The following AKNA variants were observed in gnomAD, a reference collection of about 807,000 sequenced individuals.
AKNA encodes the protein AT-hook transcription factor.
Under a neutral mutation model 138.8 loss-of-function variants are expected in AKNA, and 67 were observed. The observed-to-expected ratio is 0.48, with a 90% confidence interval of 0.40 to 0.59. AKNA has a LOEUF of 0.59. AKNA is among the 20% of genes least tolerant of loss of function. The pLI is 0.00. For synonymous variants in AKNA, 737 were observed against 754.4 expected, an observed-to-expected ratio of 0.98 and a Z score of 0.38; for missense variants, 1,813 against 1,880.4, an observed-to-expected ratio of 0.96 and a Z score of 0.66.
rs201869973 is a variant in AKNA at position 114,381,252 on chromosome 9, C to T, written c.82G>A (p.Glu28Lys). ...CTTCTATCCACATCCCTCTTGTCCT[C>T]GGCCCAGGCCCAGCGCCGCCGCTGG... ...GPQRRRWAWA[E>K]DKRDVDRSSS... Residue 28 changes from glutamate to lysine, a missense_variant, in exon 2 of 22, where the codon GAG becomes AAG. By Grantham distance (56) the Glu-to-Lys change is moderately conservative. Coordinates refer to ENST00000374088, the MANE Select transcript of AKNA (RefSeq NM_001317950.2). The T allele has an allele frequency of 1.9e-5, 31 of 1,613,960 alleles. No homozygotes were observed. Among genetic ancestry groups the T allele is most frequent in the East Asian group, 4.5e-5 (2 of 44,876 alleles).
Position 114,361,843 on chromosome 9 carries a change from G to T in AKNA, c.1985C>A (p.Thr662Asn). Reference sequence around the variant, plus strand: ...CCCGGGCGGCTCAGGCTCTTGCTGGGTCTGGTCTATGTGTTCCTTCAGCTC... The same window carrying T: ...CCCGGGCGGCTCAGGCTCTTGCTGGTTCTGGTCTATGTGTTCCTTCAGCTC... ...LEELKEHIDQ[T>N]QQEPEPPGSD... Residue 662 changes from threonine to asparagine, a missense_variant, in exon 9 of 22, where the codon ACC (threonine) becomes AAC (asparagine). Coordinates refer to ENST00000374088, the MANE Select transcript of AKNA (RefSeq NM_001317950.2). 6.2e-7 allele frequency: 1 copy of T among 1,612,128 alleles called. No individual in the cohort carries two copies.
At position 114,336,005 on chromosome 9, in the gene AKNA, G is replaced by C. The variant is rs1588929173; in HGVS notation, c.*1049C>G. 6.6e-6 allele frequency: 1 copy of C among 152,244 alleles called. No homozygotes were observed. The highest frequency in any genetic ancestry group is 2.4e-5 in the African/African-American group (1 of 41,452). The allele number at this position is 152,244 out of a possible 1,614,324, so 9.4% of individuals were successfully genotyped here. A position where few individuals can be genotyped will look rare whatever the true frequency, so the allele number is the denominator to read the frequency against. On this transcript the variant is annotated 3_prime_UTR_variant, in exon 22 of 22. Coordinates refer to ENST00000374088, the MANE Select transcript of AKNA (RefSeq NM_001317950.2). Reference sequence around the variant, plus strand: ...AAAACTGGAGAAACAGAAGCCACCAGAGGGAGGCAGGCAGAGCACCCAACA... The same window carrying C: ...AAAACTGGAGAAACAGAAGCCACCACAGGGAGGCAGGCAGAGCACCCAACA...
chr9:114,363,643 C>T (rs1447039328), intron 7 of AKNA, among the ~76,000 whole-genome samples: 1 of 152,194 alleles, frequency 6.6e-6, no homozygotes, highest in South Asian at 2.1e-4. Flanking sequence ...CTCTCAGCTC[C>T]TCTCCCACCC....
intron 7 of AKNA, 119 bp downstream of exon 7, chr9:114,364,441 G>C (rs1029189654): frequency 5.8e-6 from 6 of 1,026,612 alleles, no homozygotes; most frequent in Non-Finnish European, 9.2e-6. Flanking sequence ...TGCTCTAAAA[G>C]AGACCCTGTG....
Position 114,355,982 on chromosome 9 carries a change from G to A in AKNA, c.3001C>T (p.Pro1001Ser). ...AQRYLSSPSG[P>S]LRQRAPNFSL... ...AAGTTGGGTGCCCTCTGCCGGAGAG[G>A]CCCACTTGGGCTGGAGAGGTACCTC... Residue 1001 changes from proline to serine, a missense_variant, in exon 14 of 22, where the codon CCT becomes TCT. Transcript: ENST00000374088. The A allele has an allele frequency of 1.9e-6, 3 of 1,614,214 alleles. No homozygotes were observed. The highest frequency in any genetic ancestry group is 2.5e-6 in the Non-Finnish European group (3 of 1,180,038).
Position 114,364,581 on chromosome 9 carries a change from G to C in AKNA, c.1767C>G (p.Leu589=). ...GTACCTTGACTTGGTCCTGGGGCAT[G>C]AGACGTCCTGCCTGTATCAGTCTTT... The part of the protein sequence containing the change: ...SFERLIQAGR[L]MPQDQVKGFQ... The change falls in exon 7 of 22, where the codon CTC becomes CTG. Residue 589 remains leucine, a synonymous_variant. Transcript: ENST00000374088. 6.2e-7 allele frequency: 1 copy of C among 1,613,962 alleles called. No homozygotes were observed. The highest frequency in any genetic ancestry group is 8.5e-7 in the Non-Finnish European group (1 of 1,180,032).
At chr9:114,351,546 C>T (rs1831120828) in intron 14 of AKNA, among the ~76,000 whole-genome samples, 1 of 152,132 alleles carries the variant, frequency 6.6e-6, no homozygotes, top group East Asian at 1.9e-4. Flanking sequence ...GACATGGTGG[C>T]TCACGCCTGT....
At chr9:114,348,710 G>C (rs1804142887) in intron 15 of AKNA, among the ~76,000 whole-genome samples, 1 of 152,162 alleles carries the variant, frequency 6.6e-6, no homozygotes, top group African/African-American at 2.4e-5. Context: ...TTGTTTTGTG[G>C]GCATTGCTGA....
intron 1 of AKNA, among the ~76,000 whole-genome samples, chr9:114,393,379 C>A (rs1180159649): frequency 7.1e-6 from 1 of 140,886 alleles, no homozygotes; most frequent in Non-Finnish European, 1.6e-5. Context: ...CCACGCCCAG[C>A]TAATTTTTTT....
At chr9:114,371,375 A>C (rs1049318362) in intron 4 of AKNA, among the ~76,000 whole-genome samples, 1 of 152,206 alleles carries the variant, frequency 6.6e-6, no homozygotes, top group Non-Finnish European at 1.5e-5. Context: ...CCCAACTGCA[A>C]ATTATTTAAG....
In AKNA at chr9:114,376,734, A is replaced by G. The variant is rs768109079; in HGVS notation, c.1073T>C (p.Leu358Pro). The change falls in exon 3 of 22, where the codon CTC becomes CCC. Residue 358 changes from leucine (L) to proline (P), a missense_variant. Leu to Pro is a moderately conservative substitution (Grantham distance 98). Coordinates refer to ENST00000374088, the MANE Select transcript of AKNA (RefSeq NM_001317950.2). ...GGGCCCTACCTTGGAGAAATCAGGG[A>G]GTGGGTAGTTCAACTGCCCCCGGCC... ...KYGRGQLNYPLPDFSKVGPRV... is the reference protein window; with the variant it reads ...KYGRGQLNYPPPDFSKVGPRV... The G allele has an allele frequency of 6.2e-7, 1 of 1,612,596 alleles. No individual in the cohort carries two copies. The highest frequency in any genetic ancestry group is 8.5e-7 in the Non-Finnish European group (1 of 1,179,274).
upstream of AKNA, among the ~76,000 whole-genome samples, chr9:114,396,318 T>A (rs1340401536): frequency 1.3e-5 from 2 of 152,202 alleles, no homozygotes; most frequent in African/African-American, 4.8e-5. Context: ...GAGCCTCAGT[T>A]TCCTCATTTA....
chr9:114,355,269 G>A (rs1299333564), intron 14 of AKNA, among the ~76,000 whole-genome samples: 2 of 151,550 alleles, frequency 1.3e-5, no homozygotes, highest in African/African-American at 2.4e-5. Context: ...TCCACCTCCC[G>A]GGTTCAAGCA....
intron 11 of AKNA, chr9:114,358,456 C>T: frequency 2.6e-6 from 1 of 389,936 alleles, no homozygotes; most frequent in South Asian, 3.6e-5. Context: ...TTGCATACCA[C>T]CTTCCCTATT....
intron 14 of AKNA, among the ~76,000 whole-genome samples, chr9:114,351,822 C>A (rs1831146785): frequency 6.6e-6 from 1 of 151,894 alleles, no homozygotes; most frequent in Non-Finnish European, 1.5e-5. Flanking sequence ...CAGAGCAAGA[C>A]CCTGTCTCAA....
chr9:114,388,061 C>G (rs1834175941), upstream of AKNA: 1 of 269,434 alleles, frequency 3.7e-6, no homozygotes, highest in Non-Finnish European at 8.1e-6. Flanking sequence ...GCCGCCTCGC[C>G]TCGGCAGGAA....
intron 3 of AKNA, chr9:114,375,847 C>T (rs770446016): frequency 1.8e-4 from 68 of 380,262 alleles, no homozygotes; most frequent in Non-Finnish European, 3.2e-4. Flanking sequence ...AACACGAGTA[C>T]AATCACTGGT....
intron 14 of AKNA, among the ~76,000 whole-genome samples, chr9:114,352,108 G>C (rs1831165985): frequency 6.6e-6 from 1 of 152,200 alleles, no homozygotes; most frequent in African/African-American, 2.4e-5. Flanking sequence ...GTGTGCCTAT[G>C]AAAGGGTAGC....
chr9:114,374,665 C>G (rs564652349), intron 3 of AKNA, among the ~76,000 whole-genome samples: 1 of 152,304 alleles, frequency 6.6e-6, no homozygotes, highest in South Asian at 2.1e-4. Flanking sequence ...CACTGTTCCA[C>G]CTACTCAGAG....
Sources: gnomAD v4.1 joint callset for allele counts (sites outside exome capture counted in the v4.1 genomes callset) on GRCh38, gnomAD v4.1.1 for gene constraint, MANE v1.5 for transcripts, NCBI Gene and HGNC (gene_info 2026-07-23, HGNC 2026-07-21) for gene names.